CNTN4: variants seen among roughly 807,000 people sequenced by gnomAD.
CNTN4 encodes contactin 4, also known as contactin-4.
CNTN4 carries 77 observed loss-of-function variants against 122.5 expected under a neutral mutation model. That is an observed-to-expected ratio of 0.63 (90% confidence interval 0.52 to 0.76). CNTN4 has a LOEUF of 0.76. CNTN4 is among the 30% of genes least tolerant of loss of function. The pLI is 0.00. For missense variants in CNTN4, 1,256 were observed against 1,259.1 expected (o/e 1.00, Z 0.04); for synonymous variants, 512 against 447.0 (o/e 1.15, Z -1.83).
At chr3:2,658,426 A>G (rs1334891689) in intron 4 of CNTN4, among the ~76,000 whole-genome samples, 2 of 152,196 alleles carry the variant, frequency 1.3e-5, no homozygotes, top group Non-Finnish European at 2.9e-5. Context: ...CAATACTTAC[A>G]TCACATGACT....
At chr3:2,230,987 C>T (rs1273302798) in intron 2 of CNTN4, among the ~76,000 whole-genome samples, 1 of 150,876 alleles carries the variant, frequency 6.6e-6, no homozygotes, top group Non-Finnish European at 1.5e-5. Context: ...GACTCTGTTT[C>T]AAAAAAACAA....
chr3:2,331,937 T>C (rs2150301662), intron 2 of CNTN4, among the ~76,000 whole-genome samples: 1 of 152,284 alleles, frequency 6.6e-6, no homozygotes, highest in East Asian at 1.9e-4. Flanking sequence ...GGGCTGTTTG[T>C]AAGGCGATTC....
chr3:2,530,680 T>C (rs1169584834), intron 3 of CNTN4, among the ~76,000 whole-genome samples: 1 of 152,150 alleles, frequency 6.6e-6, no homozygotes, highest in Non-Finnish European at 1.5e-5. Flanking sequence ...CTGTTGTATG[T>C]TAGCATTGTC....
intron 6 of CNTN4, among the ~76,000 whole-genome samples, chr3:2,774,427 A>G (rs1385279242): frequency 1.3e-5 from 2 of 151,876 alleles, no homozygotes; most frequent in South Asian, 4.2e-4. Context: ...TATCTCACTT[A>G]TCTCCTCTAC....
Position 2,965,589 on chromosome 3 carries a change from G to A in CNTN4, c.1359-22756G>A, listed in dbSNP as rs146636788. Among the ~76,000 whole-genome samples the A allele has an allele frequency of 8.7e-4, 132 of 152,252 alleles. 1 individual carries two copies. In the East Asian group the frequency reaches 0.024, roughly 27 times the overall value. ...GCAGGAACTTTTCTGCCTGGTTTCCGCTGGCTTCTTCTTATATCTAAATTG... is the reference window on the plus strand; with the variant it reads ...GCAGGAACTTTTCTGCCTGGTTTCCACTGGCTTCTTCTTATATCTAAATTG... On this transcript the variant is annotated intron_variant, in intron 13 of 24. Coordinates refer to ENST00000418658, the MANE Select transcript of CNTN4 (RefSeq NM_175607.3).
intron 2 of CNTN4, among the ~76,000 whole-genome samples, chr3:2,259,307 T>G (rs1009487738): frequency 6.6e-6 from 1 of 152,186 alleles, no homozygotes; most frequent in African/African-American, 2.4e-5. Flanking sequence ...AATAAACATT[T>G]TGGACAATGA....
At chr3:2,464,082 T>G (rs2075412388) in intron 3 of CNTN4, among the ~76,000 whole-genome samples, 1 of 152,186 alleles carries the variant, frequency 6.6e-6, no homozygotes, top group Non-Finnish European at 1.5e-5. Context: ...CAAGTTTGAT[T>G]TCTACATGAA....
At chr3:2,329,113 G>C (rs2043600364) in intron 2 of CNTN4, among the ~76,000 whole-genome samples, 1 of 152,002 alleles carries the variant, frequency 6.6e-6, no homozygotes, top group Admixed American at 6.6e-5. Flanking sequence ...AAATAAATTT[G>C]CAAATATTTA....
Position 3,043,684 on chromosome 3 carries a change from T to G in CNTN4, c.2791T>G (p.Ser931Ala). ...TCAAGTGAAGGCCCTGGATAATGAG[T>G]CGGAAGTAAAAGGATACAAAGTAGG... ...WDQVKALDNESEVKGYKVLYR... is the reference protein window; with the variant it reads ...WDQVKALDNEAEVKGYKVLYR... The change falls in exon 23 of 25, where the codon TCG becomes GCG. Residue 931 changes from serine to alanine, a missense_variant. Coordinates refer to ENST00000418658, the MANE Select transcript of CNTN4 (RefSeq NM_175607.3). 1 of 1,612,824 alleles carries G rather than the reference T, an allele frequency of 6.2e-7. No homozygotes were observed. The highest frequency in any genetic ancestry group is 8.5e-7 in the Non-Finnish European group (1 of 1,178,960).
intron 4 of CNTN4, among the ~76,000 whole-genome samples, chr3:2,696,905 C>T: frequency 6.6e-6 from 1 of 152,138 alleles, no homozygotes; most frequent in South Asian, 2.1e-4. Context: ...TTAAGATAGC[C>T]ATTTGTTAAG....
At position 2,906,601 on chromosome 3, in the gene CNTN4, G is replaced by C. The variant is rs188972433; in HGVS notation, c.1207+3596G>C. 3.5e-4 allele frequency among the ~76,000 whole-genome samples: 54 copies of C among 152,178 alleles called. No homozygotes were observed. The East Asian group carries it at 7.3e-3, about 21-fold the overall frequency. ...AGCTGTAATCCCAGCACTTTGGGAG[G>C]CCGAGGCAGGCGGATCACCTGAGGT... On this transcript the variant is annotated intron_variant, in intron 12 of 24. Transcript: ENST00000418658.
At chr3:2,903,053 A>G in intron 12 of CNTN4, 48 bp downstream of exon 12, 1 of 1,571,212 alleles carries the variant, frequency 6.4e-7, no homozygotes, top group Non-Finnish European at 8.7e-7. Flanking sequence ...TCTTTAGATC[A>G]CTAAACTAAC....
At chr3:2,506,188 C>T (rs1259430051) in intron 3 of CNTN4, among the ~76,000 whole-genome samples, 1 of 152,118 alleles carries the variant, frequency 6.6e-6, no homozygotes, top group Non-Finnish European at 1.5e-5. Context: ...TTAGCTGTGA[C>T]TCCTGTCATG....
At chr3:2,133,770 T>C (rs1239280041) in intron 2 of CNTN4, among the ~76,000 whole-genome samples, 1 of 152,234 alleles carries the variant, frequency 6.6e-6, no homozygotes, top group African/African-American at 2.4e-5. Flanking sequence ...ATTACTTGTA[T>C]GCCTGAGTTC....
intron 3 of CNTN4, among the ~76,000 whole-genome samples, chr3:2,542,338 C>A (rs1229812628): frequency 6.6e-6 from 1 of 152,042 alleles, no homozygotes; most frequent in Non-Finnish European, 1.5e-5. Flanking sequence ...CTTCCATGGA[C>A]TCAGGTTGAA....
At chr3:2,548,467 C>G (rs2078339936) in intron 3 of CNTN4, among the ~76,000 whole-genome samples, 1 of 152,098 alleles carries the variant, frequency 6.6e-6, no homozygotes, top group African/African-American at 2.4e-5. Context: ...TCAGGTTCTT[C>G]AAAGATCACA....
rs549611630 is a variant in CNTN4 at position 2,417,459 on chromosome 3, T to C, written c.-89+78226T>C. ...CACTGAGCTCTTTCCTGCTTCACTT[T>C]GGGGTCATGAGAAAGGCTGTGAATT... On this transcript the variant is annotated intron_variant, in intron 3 of 24. Transcript: ENST00000418658. Among the ~76,000 whole-genome samples the C allele has an allele frequency of 4.6e-5, 7 of 152,324 alleles. No homozygotes were observed. In the East Asian group the frequency reaches 1.3e-3, roughly 29 times the overall value.
intron 2 of CNTN4, among the ~76,000 whole-genome samples, chr3:2,145,848 T>C (rs991953442): frequency 1.3e-5 from 2 of 152,076 alleles, no homozygotes; most frequent in African/African-American, 4.8e-5. Context: ...ATTTGGGGAT[T>C]AGAAGGCTTA....
chr3:2,460,092 C>G (rs1243032309), intron 3 of CNTN4, among the ~76,000 whole-genome samples: 1 of 151,978 alleles, frequency 6.6e-6, no homozygotes, highest in African/African-American at 2.4e-5. Context: ...TCTGATAGAT[C>G]TCTAATATAG....
Sources: allele counts gnomAD v4.1 joint callset (sites outside exome capture counted in the v4.1 genomes callset), GRCh38; gene constraint gnomAD v4.1.1; transcripts MANE v1.5; gene names NCBI Gene and HGNC (gene_info 2026-07-23, HGNC 2026-07-21).